The following HMCN1 variants were observed in gnomAD, a reference collection of about 807,000 sequenced individuals.
HMCN1 encodes hemicentin-1.
In HMCN1, 321 loss-of-function variants were observed where a neutral mutation model predicts 625.9. That is an observed-to-expected ratio of 0.51 (90% confidence interval 0.47 to 0.56). The LOEUF (loss-of-function observed/expected upper bound fraction) is 0.56. Ranked by LOEUF, HMCN1 falls within the 20% of genes least tolerant of loss-of-function variation. The pLI is 0.00. For missense variants in HMCN1, 6,588 were observed against 6,887.3 expected (o/e 0.96, Z 1.54); for synonymous variants, 2,425 against 2,417.6 (o/e 1.00, Z -0.09).
At chr1:186,118,555 T>A (rs1189183563) in intron 77 of HMCN1, among the ~76,000 whole-genome samples, 1 of 152,130 alleles carries the variant, frequency 6.6e-6, no homozygotes, top group South Asian at 2.1e-4. Flanking sequence ...TATATGCAAA[T>A]CTTCATACAG....
rs1657193817 is a variant in HMCN1 at position 186,054,570 on chromosome 1, TG to T, written c.6862+585del. On this transcript the variant is annotated intron_variant, in intron 44 of 106. Coordinates refer to ENST00000271588, the MANE Select transcript of HMCN1 (RefSeq NM_031935.3). ...TTCCCACACACATATGTATTAGAAT[TG>T]ATCTAATTTTTGTTCCTAGAATCAG... Among the ~76,000 whole-genome samples the T allele has an allele frequency of 2.0e-5, 3 of 151,972 alleles. No homozygotes were observed. In the South Asian group the frequency reaches 6.2e-4, roughly 31 times the overall value.
At chr1:186,085,577 A>C (rs1651400466) in intron 57 of HMCN1, among the ~76,000 whole-genome samples, 1 of 152,088 alleles carries the variant, frequency 6.6e-6, no homozygotes, top group African/African-American at 2.4e-5. Flanking sequence ...CGGGGACAGA[A>C]ACATTCAGTT....
chr1:185,816,796 G>T (rs1006643861), intron 1 of HMCN1, among the ~76,000 whole-genome samples: 11 of 152,322 alleles, frequency 7.2e-5, no homozygotes, highest in African/African-American at 2.6e-4. Flanking sequence ...AGGGGAAGCT[G>T]GGAGACAGAA....
intron 103 of HMCN1, among the ~76,000 whole-genome samples, chr1:186,177,701 C>T (rs192352601): frequency 9.3e-4 from 142 of 152,122 alleles, no homozygotes; most frequent in African/African-American, 3.0e-3. Flanking sequence ...AGAAAGCTTC[C>T]AACATTGTCA....
chr1:185,927,312 G>A (rs1234166978), intron 9 of HMCN1, among the ~76,000 whole-genome samples: 2 of 152,174 alleles, frequency 1.3e-5, no homozygotes, highest in African/African-American at 4.8e-5. Flanking sequence ...CTCCTGTTAA[G>A]CATCGAAGAT....
intron 1 of HMCN1, among the ~76,000 whole-genome samples, chr1:185,752,892 A>G (rs898743970): frequency 1.3e-5 from 2 of 152,182 alleles, no homozygotes; most frequent in Non-Finnish European, 2.9e-5. Context: ...AAGAAAAATT[A>G]TAGGTCAACT....
chr1:186,136,747 T>G lies in HMCN1; in HGVS notation c.13392T>G (p.Thr4464=). 6.2e-7 allele frequency: 1 copy of G among 1,614,060 alleles called. No individual in the cohort carries two copies. Among genetic ancestry groups the G allele is most frequent in the Non-Finnish European group, 8.5e-7 (1 of 1,179,942 alleles). ...AAATCATATTGAATTGTCAGGCAAC[T>G]GGAGAGCCTCAACCAACCATTACAT... ...GGKIILNCQA[T]GEPQPTITWS... The change falls in exon 87 of 107, where the codon ACT becomes ACG. Residue 4464 remains threonine, a synonymous_variant. Coordinates refer to ENST00000271588, the MANE Select transcript of HMCN1 (RefSeq NM_031935.3).
intron 66 of HMCN1, 43 bp from the exon 67 acceptor site, chr1:186,094,233 G>T (rs1483910530): frequency 7.3e-7 from 1 of 1,371,214 alleles, no homozygotes; most frequent in Non-Finnish European, 1.0e-6. Context: ...TGTACTTGTT[G>T]TATGGGAGCA....
chr1:185,837,264 A>G (rs1661226712), intron 1 of HMCN1, among the ~76,000 whole-genome samples: 1 of 152,016 alleles, frequency 6.6e-6, no homozygotes, highest in Non-Finnish European at 1.5e-5. Context: ...TTCCAGGTTT[A>G]TCATGACACT....
chr1:186,176,795 G>A (rs1004909956), intron 103 of HMCN1: 2 of 152,096 alleles, frequency 1.3e-5, no homozygotes, highest in East Asian at 3.8e-4. Context: ...AAAAGGAAAG[G>A]AAACATAAAA....
In HMCN1 at chr1:186,063,077, T is replaced by TGC. The variant is rs1558188073; in HGVS notation, c.7513+477_7513+478insGC. On this transcript the variant is annotated intron_variant, in intron 48 of 106. Coordinates refer to ENST00000271588, the MANE Select transcript of HMCN1 (RefSeq NM_031935.3). ...GTGTGTGTGTGTGTGCATATATATA[T>TGC]ATATATATATATATATATATATATA... Among the ~76,000 whole-genome samples the TGC allele has an allele frequency of 2.5e-3, 233 of 93,980 alleles. 6 individuals are homozygous for TGC. Among genetic ancestry groups the TGC allele is most frequent in the Middle Eastern group, 4.5e-3 (1 of 220 alleles). The allele number at this position is 93,980 out of a possible 152,430, so 61.7% of individuals were successfully genotyped here.
At chr1:186,026,398 A>C (rs1377339947) in intron 36 of HMCN1, among the ~76,000 whole-genome samples, 1 of 152,206 alleles carries the variant, frequency 6.6e-6, no homozygotes, top group Non-Finnish European at 1.5e-5. Context: ...GTTTCATAAA[A>C]AAGTTAATCA....
intron 14 of HMCN1, among the ~76,000 whole-genome samples, chr1:185,967,982 A>G (rs1446918692): frequency 6.6e-6 from 1 of 152,196 alleles, no homozygotes; most frequent in Non-Finnish European, 1.5e-5. Flanking sequence ...AATGAGCAAT[A>G]CAAAATGGGT....
Position 186,137,793 on chromosome 1 carries a change from T to G in HMCN1, c.13754-9T>G, listed in dbSNP as rs1344218852. 1.9e-6 allele frequency: 3 copies of G among 1,614,120 alleles called. No individual in the cohort carries two copies. The highest frequency in any genetic ancestry group is 2.5e-6 in the Non-Finnish European group (3 of 1,179,974). ...ATACCTGATGGTGTAATGGTTCACC[T>G]TTGTATAGTGGATGGTAGCTGGTCG... is the stretch of plus-strand genomic sequence containing the variant. On this transcript the variant is annotated splice_polypyrimidine_tract_variant and intron_variant, in intron 88 of 106. Coordinates refer to ENST00000271588, the MANE Select transcript of HMCN1 (RefSeq NM_031935.3).
At chr1:185,989,774 T>A (rs1652291426) in intron 21 of HMCN1, 127 bp downstream of exon 21, 36 of 233,988 alleles carry the variant, frequency 1.5e-4, no homozygotes, top group Non-Finnish European at 2.1e-4. Flanking sequence ...AGATTTCTAT[T>A]TTTTTTTTTT....
intron 4 of HMCN1, among the ~76,000 whole-genome samples, chr1:185,867,364 A>G (rs1285795820): frequency 6.6e-6 from 1 of 152,112 alleles, no homozygotes; most frequent in Non-Finnish European, 1.5e-5. Context: ...ACAGTGCAGG[A>G]GTCTCTCAGA....
intron 1 of HMCN1, among the ~76,000 whole-genome samples, chr1:185,764,743 G>C (rs1325889870): frequency 6.6e-6 from 1 of 152,076 alleles, no homozygotes; most frequent in East Asian, 1.9e-4. Context: ...TATGAAATGA[G>C]AGCTCAAGAG....
chr1:185,790,925 A>G (rs1255775904), intron 1 of HMCN1, among the ~76,000 whole-genome samples: 1 of 152,214 alleles, frequency 6.6e-6, no homozygotes, highest in Non-Finnish European at 1.5e-5. Flanking sequence ...AAGGTTAAGC[A>G]TACTTTATTT....
intron 1 of HMCN1, among the ~76,000 whole-genome samples, chr1:185,738,657 C>A (rs1653762682): frequency 6.6e-6 from 1 of 152,170 alleles, no homozygotes; most frequent in Non-Finnish European, 1.5e-5. Flanking sequence ...AGCAGCTGTA[C>A]CATTTTATAT....
Sources: gnomAD v4.1 joint callset for allele counts (sites outside exome capture counted in the v4.1 genomes callset) on GRCh38, gnomAD v4.1.1 for gene constraint, MANE v1.5 for transcripts, NCBI Gene and HGNC (gene_info 2026-07-23, HGNC 2026-07-21) for gene names.